Variants in STOX2 observed in about 807,000 individuals in gnomAD.
The protein encoded by STOX2 is storkhead box 2, also known as storkhead-box protein 2.
In STOX2, 28 loss-of-function variants were observed where a neutral mutation model predicts 60.9. That is an observed-to-expected ratio of 0.46 (90% CI 0.34 to 0.63). STOX2 has a LOEUF of 0.63. STOX2 is among the 30% of genes least tolerant of loss of function. STOX2 has a pLI of 0.01. For synonymous variants in STOX2, 472 were observed against 463.9 expected (o/e 1.02, Z -0.22); for missense variants, 1,024 against 1,187.7 (o/e 0.86, Z 2.03).
At chr4:183,998,344 A>C (rs1733435501) in intron 1 of STOX2, among the ~76,000 whole-genome samples, 1 of 152,140 alleles carries the variant, frequency 6.6e-6, no homozygotes. Flanking sequence ...CACCTCTGTA[A>C]GAAAGCCGGC....
chr4:183,986,760 C>T lies in STOX2; in HGVS notation c.167-14565C>T, dbSNP rs183162915. On this transcript the variant is annotated intron_variant, in intron 1 of 3. Transcript: ENST00000308497. ...GTGACAAGAGACGCTGATTTGAACTCAACTCACAGGGGGGCCTTTGCCAGA... is the reference window on the plus strand; with the variant it reads ...GTGACAAGAGACGCTGATTTGAACTTAACTCACAGGGGGGCCTTTGCCAGA... 3.3e-5 allele frequency among the ~76,000 whole-genome samples: 5 copies of T among 152,350 alleles called. No homozygotes were observed. The Middle Eastern group carries it at 0.01, about 311-fold the overall frequency.
At chr4:183,936,959 T>G (rs909168580) in intron 1 of STOX2, among the ~76,000 whole-genome samples, 1 of 152,262 alleles carries the variant, frequency 6.6e-6, no homozygotes, top group African/African-American at 2.4e-5. Flanking sequence ...TTGCACATCA[T>G]AAGTTTTCAT....
chr4:183,819,600 GA>G (rs1192547799), intron 1 of STOX2, among the ~76,000 whole-genome samples: 2,733 of 122,150 alleles, frequency 0.022, 66 homozygotes, highest in Non-Finnish European at 0.039. Context: ...GGGAGAGTGG[GA>G]GGGGGAGGGG....
intron 1 of STOX2, among the ~76,000 whole-genome samples, chr4:183,888,641 C>T (rs890083578): frequency 3.3e-5 from 5 of 152,208 alleles, no homozygotes; most frequent in African/African-American, 1.2e-4. Flanking sequence ...CTTGCCAATC[C>T]CGTGGTTACT....
At chr4:183,976,522 C>T (rs1441199021) in intron 1 of STOX2, among the ~76,000 whole-genome samples, 2 of 146,318 alleles carry the variant, frequency 1.4e-5, no homozygotes, top group African/African-American at 5.0e-5. Context: ...AAATCTGCAG[C>T]TATGATAGCT....
intron 1 of STOX2, among the ~76,000 whole-genome samples, chr4:183,918,821 G>A (rs1340459823): frequency 6.6e-6 from 1 of 152,170 alleles, no homozygotes; most frequent in African/African-American, 2.4e-5. Context: ...GCCAGGCCTG[G>A]GGCTCCGGGA....
At chr4:183,981,119 G>T (rs1732645809) in intron 1 of STOX2, among the ~76,000 whole-genome samples, 1 of 152,166 alleles carries the variant, frequency 6.6e-6, no homozygotes, top group African/African-American at 2.4e-5. Context: ...GGGCATATTT[G>T]TCCCAAGGGA....
chr4:183,849,467 C>A (rs1740063740), intron 1 of STOX2, among the ~76,000 whole-genome samples: 1 of 152,160 alleles, frequency 6.6e-6, no homozygotes, highest in Non-Finnish European at 1.5e-5. Context: ...GAGATACATA[C>A]AAGAACTCTT....
intron 1 of STOX2, among the ~76,000 whole-genome samples, chr4:183,941,095 A>C (rs1742741656): frequency 6.6e-6 from 1 of 152,192 alleles, no homozygotes; most frequent in South Asian, 2.1e-4. Context: ...TAGTAAAAAC[A>C]CATTAGGTCA....
In STOX2 at chr4:183,967,638, G is replaced by A. The variant is rs199703814; in HGVS notation, c.167-33687G>A. 2.6e-5 allele frequency among the ~76,000 whole-genome samples: 4 copies of A among 152,196 alleles called. No homozygotes were observed. In the East Asian group the frequency reaches 7.7e-4, roughly 29 times the overall value. ...TTAGATAACTTGTTGTGTGCTCTAC[G>A]CTCTAGTTGTTTTGTTCGGGTTTCC... On this transcript the variant is annotated intron_variant, in intron 1 of 3. Transcript: ENST00000308497.
intron 1 of STOX2, among the ~76,000 whole-genome samples, chr4:183,959,361 T>G (rs1743349048): frequency 1.3e-5 from 2 of 152,234 alleles, no homozygotes; most frequent in Non-Finnish European, 2.9e-5. Flanking sequence ...GTGATATTCG[T>G]GAGGCAGCCA....
At chr4:183,827,160 A>G (rs1241613190) in intron 1 of STOX2, among the ~76,000 whole-genome samples, 1 of 152,176 alleles carries the variant, frequency 6.6e-6, no homozygotes, top group African/African-American at 2.4e-5. Flanking sequence ...ACTGAAATAA[A>G]AATAACCCCT....
intron 1 of STOX2, among the ~76,000 whole-genome samples, chr4:183,840,425 G>A (rs1342994290): frequency 2.6e-5 from 4 of 152,190 alleles, no homozygotes; most frequent in Non-Finnish European, 4.4e-5. Context: ...CCACCAGGGG[G>A]CAAGCGAAGA....
chr4:183,877,451 C>T (rs1036632584), intron 1 of STOX2, among the ~76,000 whole-genome samples: 2 of 152,170 alleles, frequency 1.3e-5, no homozygotes, highest in African/African-American at 4.8e-5. Flanking sequence ...CAGGTTAATT[C>T]ACTGACCAAA....
At chr4:183,931,762 G>A (rs1012329207) in intron 1 of STOX2, among the ~76,000 whole-genome samples, 6 of 152,162 alleles carry the variant, frequency 3.9e-5, no homozygotes, top group South Asian at 4.1e-4. Context: ...ATAATTGCAC[G>A]AGAAGAGCAG....
At chr4:183,841,981 T>C (rs534476644) in intron 1 of STOX2, among the ~76,000 whole-genome samples, 1 of 152,380 alleles carries the variant, frequency 6.6e-6, no homozygotes, top group Non-Finnish European at 1.5e-5. Flanking sequence ...CTTGCCAGTG[T>C]GTGGCTTAAG....
chr4:183,883,551 T>C (rs557418346), intron 1 of STOX2, among the ~76,000 whole-genome samples: 1 of 152,162 alleles, frequency 6.6e-6, no homozygotes, highest in East Asian at 1.9e-4. Flanking sequence ...CTCCTGACCT[T>C]GTGATCCACC....
chr4:183,958,398 T>A, intron 1 of STOX2, among the ~76,000 whole-genome samples: 1 of 152,262 alleles, frequency 6.6e-6, no homozygotes, highest in East Asian at 1.9e-4. Context: ...ACCATATATA[T>A]AAAATAGTAA....
At chr4:183,918,960 T>C (rs62339694) in intron 1 of STOX2, among the ~76,000 whole-genome samples, 52,799 of 152,126 alleles carry the variant, frequency 0.35, 10,955 homozygotes, top group Non-Finnish European at 0.47. Context: ...CGAGTTTCCA[T>C]GTTACTTATT....
Sources: gnomAD v4.1 joint callset for allele counts (sites outside exome capture counted in the v4.1 genomes callset) on GRCh38, gnomAD v4.1.1 for gene constraint, MANE v1.5 for transcripts, NCBI Gene and HGNC (gene_info 2026-07-23, HGNC 2026-07-21) for gene names.